Variants in FOXP2 observed in about 807,000 individuals in gnomAD.
The protein encoded by FOXP2 is forkhead box P2, also known as forkhead box protein P2.
A neutral mutation model predicts 115.8 loss-of-function variants in FOXP2; 12 were observed. The ratio of observed to expected loss-of-function variants is 0.10; its 90% CI spans 0.07 to 0.17. FOXP2 has a LOEUF of 0.17. Among genes scored for constraint, FOXP2 ranks in the 10% least tolerant of loss-of-function variants. FOXP2 has a pLI of 1.00. For missense variants in FOXP2, 629 were observed against 843.5 expected, an observed-to-expected ratio of 0.75 and a Z score of 3.15; for synonymous variants, 328 against 297.7, an observed-to-expected ratio of 1.10 and a Z score of -1.05.
chr7:114,143,190 C>G (rs1190750170), intron 1 of FOXP2, among the ~76,000 whole-genome samples: 1 of 142,258 alleles, frequency 7.0e-6, no homozygotes, highest in Non-Finnish European at 1.5e-5. Context: ...TAATAATAGC[C>G]TACTTCCAAC....
In FOXP2 at chr7:114,578,894, G is replaced by A. The variant is rs570578802; in HGVS notation, c.258+44188G>A. 9.1e-4 allele frequency among the ~76,000 whole-genome samples: 139 copies of A among 152,176 alleles called. 2 individuals are homozygous for A. The highest frequency in any genetic ancestry group is 1.3e-3 in the Admixed American group (20 of 15,268). On this transcript the variant is annotated intron_variant, in intron 3 of 16. Transcript: ENST00000350908. Reference sequence around the variant, plus strand: ...TCCAGACTGTAGATTTATTGCTTATGTTCTTTTATTAGGACTTCAGCTAGG... The same window carrying A: ...TCCAGACTGTAGATTTATTGCTTATATTCTTTTATTAGGACTTCAGCTAGG...
upstream of FOXP2, among the ~76,000 whole-genome samples, chr7:114,160,098 A>C (rs1447737224): frequency 6.6e-6 from 1 of 152,182 alleles, no homozygotes; most frequent in African/African-American, 2.4e-5. Context: ...TAGGTTAGAT[A>C]ATTTCTTTAC....
chr7:114,296,847 G>A (rs1327243302), intron 2 of FOXP2, among the ~76,000 whole-genome samples: 1 of 152,070 alleles, frequency 6.6e-6, no homozygotes, highest in Non-Finnish European at 1.5e-5. Flanking sequence ...CTGATTAAAG[G>A]CAGTATCTCT....
chr7:114,155,573 A>T (rs1188840890), intron 1 of FOXP2, among the ~76,000 whole-genome samples: 1 of 152,142 alleles, frequency 6.6e-6, no homozygotes, highest in Non-Finnish European at 1.5e-5. Flanking sequence ...GCAGGAGAGA[A>T]TTAGCAAGGA....
chr7:114,219,199 C>T (rs1446989324), intron 1 of FOXP2, among the ~76,000 whole-genome samples: 1 of 151,826 alleles, frequency 6.6e-6, no homozygotes, highest in African/African-American at 2.4e-5. Context: ...TTTTCAAATA[C>T]AAAAGATTAT....
At chr7:114,122,297 C>G (rs1270918461) in intron 1 of FOXP2, among the ~76,000 whole-genome samples, 1 of 151,746 alleles carries the variant, frequency 6.6e-6, no homozygotes, top group African/African-American at 2.4e-5. Flanking sequence ...ATTATTGATT[C>G]CAAATATAGT....
At chr7:114,308,763 G>T (rs901428187) in intron 2 of FOXP2, among the ~76,000 whole-genome samples, 4 of 152,144 alleles carry the variant, frequency 2.6e-5, no homozygotes, top group Non-Finnish European at 5.9e-5. Flanking sequence ...CCATCTGTAG[G>T]TGGTCCGTAA....
chr7:114,122,542 T>C (rs1235445182), intron 1 of FOXP2, among the ~76,000 whole-genome samples: 2 of 151,944 alleles, frequency 1.3e-5, no homozygotes, highest in Admixed American at 6.6e-5. Flanking sequence ...CATTTGGGAA[T>C]CCTGTTCAGC....
chr7:114,198,431 G>C (rs189572687), intron 1 of FOXP2, among the ~76,000 whole-genome samples: 47 of 152,248 alleles, frequency 3.1e-4, no homozygotes, highest in African/African-American at 1.1e-3. Flanking sequence ...CTATAGGGGG[G>C]TAGGGGATAG....
intron 1 of FOXP2, among the ~76,000 whole-genome samples, chr7:114,183,515 G>A (rs1275337244): frequency 6.6e-6 from 1 of 152,008 alleles, no homozygotes; most frequent in Non-Finnish European, 1.5e-5. Context: ...TTTTTCATCT[G>A]GCATGTCAAG....
At chr7:114,296,386 TA>T (rs1396311728) in intron 2 of FOXP2, among the ~76,000 whole-genome samples, 1 of 152,194 alleles carries the variant, frequency 6.6e-6, no homozygotes, top group African/African-American at 2.4e-5. Context: ...AAAATAGCAG[TA>T]AACCTTAGCT....
intron 2 of FOXP2, among the ~76,000 whole-genome samples, chr7:114,480,903 A>C (rs1046749514): frequency 6.6e-6 from 1 of 151,182 alleles, no homozygotes; most frequent in African/African-American, 2.4e-5. Context: ...GTCTCCCAAT[A>C]AACAGTAAAA....
chr7:114,664,500 A>G, intron 16 of FOXP2, 64 bp downstream of exon 16: 1 of 1,585,812 alleles, frequency 6.3e-7, no homozygotes, highest in Non-Finnish European at 8.6e-7. Context: ...TTAAATTTAG[A>G]ATTTTTCCGA....
intron 1 of FOXP2, among the ~76,000 whole-genome samples, chr7:114,128,208 A>G (rs540122374): frequency 7.9e-5 from 12 of 152,302 alleles, no homozygotes; most frequent in African/African-American, 2.9e-4. Flanking sequence ...CATAAGCTGT[A>G]AAAGACCTTG....
chr7:114,111,259 A>G lies in FOXP2; in HGVS notation c.-247+23421A>G, dbSNP rs558311836. Reference sequence around the variant, plus strand: ...GTGGAGACTTTATAAGTGCTTGTACATTGGAGCTTATATTTTTGAAATGCT... The same window carrying G: ...GTGGAGACTTTATAAGTGCTTGTACGTTGGAGCTTATATTTTTGAAATGCT... On this transcript the variant is annotated intron_variant, in intron 1 of 19. Transcript: ENST00000635638. Among the ~76,000 whole-genome samples, 61 of 152,254 alleles carry G rather than the reference A, an allele frequency of 4.0e-4. 1 individual carries two copies. Among genetic ancestry groups the G allele is most frequent in the African/African-American group, 1.1e-3 (46 of 41,556 alleles).
At chr7:114,418,869 CATA>C (rs1793471900) in intron 1 of FOXP2, among the ~76,000 whole-genome samples, 1 of 151,904 alleles carries the variant, frequency 6.6e-6, no homozygotes, top group African/African-American at 2.4e-5. Flanking sequence ...TGTAAGAACT[CATA>C]ATGACTTTCT....
In FOXP2 at chr7:114,421,509, G is replaced by GT. The variant is rs564511461; in HGVS notation, c.-10-4984dup. Among the ~76,000 whole-genome samples the GT allele has an allele frequency of 4.2e-3, 621 of 149,252 alleles. 3 individuals are homozygous for GT. Among genetic ancestry groups the GT allele is most frequent in the South Asian group, 0.019 (90 of 4,706 alleles). ...TGAAAGTCTGAATTTTTACTAAAGT[G>GT]TTTTTTTTTCTAATTTGTGTATAGC... is the stretch of plus-strand genomic sequence containing the variant. On this transcript the variant is annotated intron_variant, in intron 1 of 16. Transcript: ENST00000350908.
chr7:114,551,286 G>A (rs553079412), intron 3 of FOXP2, among the ~76,000 whole-genome samples: 1 of 152,096 alleles, frequency 6.6e-6, no homozygotes, highest in Non-Finnish European at 1.5e-5. Flanking sequence ...AGGTACCATA[G>A]GGGATTCAAA....
chr7:114,247,669 T>G (rs1159947977), intron 1 of FOXP2, among the ~76,000 whole-genome samples: 1 of 152,190 alleles, frequency 6.6e-6, no homozygotes, highest in Non-Finnish European at 1.5e-5. Flanking sequence ...TGAAATGAAT[T>G]TTATTTGTTT....
Sources: allele counts gnomAD v4.1 joint callset (sites outside exome capture counted in the v4.1 genomes callset), GRCh38; gene constraint gnomAD v4.1.1; transcripts MANE v1.5; gene names NCBI Gene and HGNC (gene_info 2026-07-23, HGNC 2026-07-21).